Variants in RARB observed in about 807,000 individuals in gnomAD.
The protein encoded by RARB is retinoic acid receptor beta.
In RARB, 17 loss-of-function variants were observed where a neutral mutation model predicts 51.9. That is an observed-to-expected ratio of 0.33 (90% CI 0.22 to 0.49). The LOEUF (loss-of-function observed/expected upper bound fraction) is 0.49. Among genes scored for constraint, RARB ranks in the 20% least tolerant of loss-of-function variants. RARB has a pLI of 0.99. For missense variants in RARB, 369 were observed against 550.8 expected, an observed-to-expected ratio of 0.67 and a Z score of 3.30; for synonymous variants, 215 against 195.4, an observed-to-expected ratio of 1.10 and a Z score of -0.84.
intron 3 of RARB, among the ~76,000 whole-genome samples, chr3:25,091,975 C>G (rs1054899969): frequency 6.6e-6 from 1 of 152,130 alleles, no homozygotes; most frequent in African/African-American, 2.4e-5. Context: ...TGCTGTTTCA[C>G]TCAAATTAAG....
intron 2 of RARB, among the ~76,000 whole-genome samples, chr3:24,963,564 C>T (rs547564553): frequency 6.6e-6 from 1 of 151,608 alleles, no homozygotes; most frequent in South Asian, 2.1e-4. Flanking sequence ...AGCAGAATAA[C>T]TTTTAGAACT....
At chr3:25,567,700 A>G (rs1474708994) in intron 3 of RARB, among the ~76,000 whole-genome samples, 3 of 152,150 alleles carry the variant, frequency 2.0e-5, no homozygotes, top group Admixed American at 2.0e-4. Flanking sequence ...ACCTCTGCGT[A>G]TAACTTTGAG....
At chr3:24,980,184 C>T (rs765372418) in intron 2 of RARB, among the ~76,000 whole-genome samples, 3 of 152,218 alleles carry the variant, frequency 2.0e-5, no homozygotes, top group Non-Finnish European at 4.4e-5. Context: ...TGACCTTTCT[C>T]TCTGGCTGCC....
At chr3:25,338,336 A>G (rs1705126339) in intron 5 of RARB, among the ~76,000 whole-genome samples, 1 of 152,130 alleles carries the variant, frequency 6.6e-6, no homozygotes, top group Admixed American at 6.6e-5. Flanking sequence ...TCCTCTGGCT[A>G]TTGTCACACC....
rs141730372 is a variant in RARB at position 25,111,894 on chromosome 3, A to G, written c.-327-20267A>G. On this transcript the variant is annotated intron_variant, in intron 3 of 11. Coordinates refer to the RARB transcript ENST00000383772. ...CCCGACTCCAACAAATTTTATATTCATTTCCCCCCTTTTACTCTTATAATA... is the reference window on the plus strand; with the variant it reads ...CCCGACTCCAACAAATTTTATATTCGTTTCCCCCCTTTTACTCTTATAATA... Among the ~76,000 whole-genome samples, 124 of 151,972 alleles carry G rather than the reference A, an allele frequency of 8.2e-4. 1 individual carries two copies. The East Asian group carries it at 0.022, about 27-fold the overall frequency.
intron 5 of RARB, among the ~76,000 whole-genome samples, chr3:25,384,407 A>T (rs74671774): frequency 0.014 from 2,174 of 152,278 alleles, 52 homozygotes; most frequent in African/African-American, 0.049. Flanking sequence ...TAACAATGAG[A>T]GTTGTCCTCT....
At chr3:25,372,107 C>T (rs897732803) in intron 5 of RARB, among the ~76,000 whole-genome samples, 1 of 152,128 alleles carries the variant, frequency 6.6e-6, no homozygotes, top group East Asian at 1.9e-4. Context: ...ACCTTGTAGG[C>T]CAGGATAAAA....
At chr3:24,965,893 G>T (rs1696242966) in intron 2 of RARB, among the ~76,000 whole-genome samples, 1 of 152,118 alleles carries the variant, frequency 6.6e-6, no homozygotes, top group Non-Finnish European at 1.5e-5. Context: ...AATTGTGAAA[G>T]AATTTGTCAT....
At chr3:24,892,785 G>A (rs1453030954) in intron 2 of RARB, among the ~76,000 whole-genome samples, 1 of 152,178 alleles carries the variant, frequency 6.6e-6, no homozygotes, top group Non-Finnish European at 1.5e-5. Context: ...TACAAGAAAT[G>A]CGGGAGACAT....
chr3:25,308,448 C>CTTTTTT (rs549224085), intron 5 of RARB, among the ~76,000 whole-genome samples: 18 of 130,712 alleles, frequency 1.4e-4, no homozygotes, highest in Non-Finnish European at 1.8e-4. Flanking sequence ...TTCTTTCTTT[C>CTTTTTT]TTTTTTTTTT....
At chr3:25,136,685 C>G (rs944957154) in intron 4 of RARB, among the ~76,000 whole-genome samples, 2 of 151,946 alleles carry the variant, frequency 1.3e-5, no homozygotes, top group Non-Finnish European at 2.9e-5. Context: ...ACGTTAGAAG[C>G]AGTGTGCTAA....
intron 3 of RARB, among the ~76,000 whole-genome samples, chr3:25,115,511 C>G (rs868772611): frequency 1.8e-4 from 27 of 152,066 alleles, no homozygotes; most frequent in African/African-American, 6.5e-4. Context: ...CTAATTATGC[C>G]TAGTATTCTT....
intron 5 of RARB, among the ~76,000 whole-genome samples, chr3:25,592,781 C>T (rs1701661542): frequency 1.3e-5 from 2 of 152,164 alleles, no homozygotes; most frequent in African/African-American, 4.8e-5. Context: ...GAAATGCTAC[C>T]TCTTTATGGA....
chr3:25,197,734 T>G (rs1037637646), intron 5 of RARB, among the ~76,000 whole-genome samples: 50 of 151,588 alleles, frequency 3.3e-4, no homozygotes, highest in African/African-American at 1.2e-3. Context: ...ACCAAAGAAA[T>G]GAAATATCTC....
chr3:24,998,290 T>TC (rs398051706), intron 2 of RARB, among the ~76,000 whole-genome samples: 3 of 151,786 alleles, frequency 2.0e-5, no homozygotes, highest in South Asian at 2.1e-4. Context: ...TTTTTTTTTT[T>TC]CTTTGGAGTC....
chr3:25,242,009 T>A (rs1018209929), intron 5 of RARB, among the ~76,000 whole-genome samples: 3 of 152,250 alleles, frequency 2.0e-5, no homozygotes, highest in Non-Finnish European at 4.4e-5. Context: ...CCACTTTAAC[T>A]GGCGTGAGAT....
intron 2 of RARB, among the ~76,000 whole-genome samples, chr3:25,006,468 A>G (rs1697274910): frequency 6.6e-6 from 1 of 152,198 alleles, no homozygotes; most frequent in Admixed American, 6.5e-5. Context: ...TGGCTGTGGT[A>G]TTGATTAAAA....
chr3:25,093,704 G>GT lies in RARB; in HGVS notation c.-328+33537dup, dbSNP rs146417266. ...TGGCCTTTCAAGATGTCTTTACGGGGTTTTTTTTTGCATGTCTCATGATGA... is the reference window on the plus strand; with the variant it reads ...TGGCCTTTCAAGATGTCTTTACGGGGTTTTTTTTTTGCATGTCTCATGATGA... On this transcript the variant is annotated intron_variant, in intron 3 of 11. Coordinates refer to the RARB transcript ENST00000383772. 6.9e-3 allele frequency among the ~76,000 whole-genome samples: 1,040 copies of GT among 150,816 alleles called. 8 individuals carry two copies. Among genetic ancestry groups the GT allele is most frequent in the African/African-American group, 0.022 (921 of 41,050 alleles).
chr3:24,879,292 G>A (rs997233677), intron 2 of RARB, among the ~76,000 whole-genome samples: 15 of 152,120 alleles, frequency 9.9e-5, no homozygotes, highest in African/African-American at 3.1e-4. Flanking sequence ...AGCCGGGCGT[G>A]GTGGCGGGCG....
Sources: gnomAD v4.1 joint callset for allele counts (sites outside exome capture counted in the v4.1 genomes callset) on GRCh38, gnomAD v4.1.1 for gene constraint, MANE v1.5 for transcripts, NCBI Gene and HGNC (gene_info 2026-07-23, HGNC 2026-07-21) for gene names.